Variants in UBR1 observed in about 807,000 individuals in gnomAD.
UBR1 encodes E3 ubiquitin-protein ligase UBR1.
A neutral mutation model predicts 242.1 loss-of-function variants in UBR1; 102 were observed. That is an observed-to-expected ratio of 0.42 (90% confidence interval 0.36 to 0.50). The LOEUF is 0.50. Ranked by LOEUF, UBR1 falls within the 20% of genes least tolerant of loss-of-function variation. The pLI is 0.01. For missense variants in UBR1, 1,772 were observed against 2,101.8 expected (o/e 0.84, Z 3.07); for synonymous variants, 675 against 684.8 (o/e 0.99, Z 0.22).
chr15:43,090,196 C>G (rs2034090830), intron 1 of UBR1, among the ~76,000 whole-genome samples: 1 of 152,068 alleles, frequency 6.6e-6, no homozygotes, highest in Non-Finnish European at 1.5e-5. Flanking sequence ...GCATTAATAA[C>G]AAACAGTTCA....
At chr15:42,991,963 G>A (rs541425242) in intron 33 of UBR1, among the ~76,000 whole-genome samples, 135 of 152,130 alleles carry the variant, frequency 8.9e-4, no homozygotes, top group African/African-American at 3.2e-3. Flanking sequence ...TATTGCCCAG[G>A]CTGGTCTTGA....
chr15:43,012,968 C>T (rs1415105590), intron 29 of UBR1, among the ~76,000 whole-genome samples: 1 of 152,156 alleles, frequency 6.6e-6, no homozygotes, highest in Admixed American at 6.5e-5. Context: ...TGCAGTGGCA[C>T]AATCTCTGCT....
chr15:43,015,125 A>G (rs907105345), intron 29 of UBR1, among the ~76,000 whole-genome samples: 2 of 151,902 alleles, frequency 1.3e-5, no homozygotes, highest in African/African-American at 4.8e-5. Flanking sequence ...CCCGGCCACC[A>G]CCCCGTCTGG....
chr15:42,957,783 G>C (rs1376626741), intron 44 of UBR1, among the ~76,000 whole-genome samples: 1 of 151,878 alleles, frequency 6.6e-6, no homozygotes, highest in African/African-American at 2.4e-5. Flanking sequence ...ATTGAGATGG[G>C]AAGAGCCCAG....
chr15:43,056,265 G>T, intron 11 of UBR1, 79 bp downstream of exon 11: 1 of 1,092,420 alleles, frequency 9.2e-7, no homozygotes, highest in Non-Finnish European at 1.4e-6. Context: ...GTTCTAATTT[G>T]ATTCAACATT....
At chr15:42,993,365 CTTT>C (rs779584895) in intron 33 of UBR1, among the ~76,000 whole-genome samples, 1 of 140,748 alleles carries the variant, frequency 7.1e-6, no homozygotes, top group African/African-American at 2.6e-5. Flanking sequence ...TATGAAATGT[CTTT>C]TTTTTTTTTT....
chr15:42,962,120 G>A (rs1238166814), intron 42 of UBR1, among the ~76,000 whole-genome samples: 1 of 43,068 alleles, frequency 2.3e-5, no homozygotes, highest in Non-Finnish European at 6.0e-5. Flanking sequence ...TCTTTGTTGT[G>A]TCTAATTATT....
At chr15:43,026,808 T>G in intron 22 of UBR1, 145 bp from the exon 23 acceptor site, 1 of 664,500 alleles carries the variant, frequency 1.5e-6, no homozygotes, top group Non-Finnish European at 2.6e-6. Context: ...TCCATTGCAA[T>G]AATAAAACTA....
At chr15:43,068,350 C>G (rs1481414762) in intron 5 of UBR1, among the ~76,000 whole-genome samples, 1 of 151,668 alleles carries the variant, frequency 6.6e-6, no homozygotes, top group Non-Finnish European at 1.5e-5. Context: ...CACCACACCC[C>G]AGCTAATTTT....
intron 3 of UBR1, among the ~76,000 whole-genome samples, chr15:43,079,908 G>C (rs907195996): frequency 2.6e-5 from 4 of 152,188 alleles, no homozygotes; most frequent in Admixed American, 2.6e-4. Context: ...AACAATAGCA[G>C]AGTAGTATTT....
At chr15:42,981,328 A>G (rs2032374993) in intron 37 of UBR1, among the ~76,000 whole-genome samples, 1 of 151,760 alleles carries the variant, frequency 6.6e-6, no homozygotes, top group Non-Finnish European at 1.5e-5. Context: ...GCACTTTCCT[A>G]CCTCCTCAAT....
chr15:42,966,632 T>C (rs2032110487), intron 40 of UBR1, among the ~76,000 whole-genome samples: 1 of 150,518 alleles, frequency 6.6e-6, no homozygotes, highest in South Asian at 2.1e-4. Flanking sequence ...GAGCTGAAAC[T>C]GTGCCACTGT....
intron 29 of UBR1, among the ~76,000 whole-genome samples, chr15:43,014,637 G>A (rs1344044467): frequency 2.6e-5 from 4 of 151,226 alleles, no homozygotes; most frequent in Non-Finnish European, 5.9e-5. Context: ...GAGACCCTCC[G>A]CCTGGCAGCC....
intron 37 of UBR1, among the ~76,000 whole-genome samples, chr15:42,983,137 T>G (rs1228168855): frequency 6.6e-6 from 1 of 152,188 alleles, no homozygotes; most frequent in Non-Finnish European, 1.5e-5. Flanking sequence ...GAAATGGGCA[T>G]GGAACTGAGT....
chr15:43,101,475 A>G (rs748296677), intron 1 of UBR1, among the ~76,000 whole-genome samples: 1 of 152,176 alleles, frequency 6.6e-6, no homozygotes, highest in Non-Finnish European at 1.5e-5. Flanking sequence ...CAGGGACAAC[A>G]AAACTCTTGA....
At chr15:43,047,963 C>A (rs959307993) in intron 13 of UBR1, among the ~76,000 whole-genome samples, 5 of 152,104 alleles carry the variant, frequency 3.3e-5, no homozygotes, top group Admixed American at 6.6e-5. Context: ...GTAATCCCAG[C>A]ACCTTGGGAG....
At chr15:43,001,840 A>AT (rs2032729951) in intron 32 of UBR1, among the ~76,000 whole-genome samples, 1 of 152,220 alleles carries the variant, frequency 6.6e-6, no homozygotes, top group Non-Finnish European at 1.5e-5. Context: ...CTCTAGAGCT[A>AT]TAGCATTTGG....
At chr15:43,029,439 C>A (rs2033224880) in intron 21 of UBR1, among the ~76,000 whole-genome samples, 3 of 152,200 alleles carry the variant, frequency 2.0e-5, no homozygotes, top group African/African-American at 7.2e-5. Context: ...ATGAGCAAGG[C>A]AGAGATACTA....
In UBR1 at chr15:43,026,544, A is replaced by C. The variant is rs2033180271; in HGVS notation, c.2535+17T>G. On this transcript the variant is annotated intron_variant, in intron 23 of 46. Coordinates refer to ENST00000290650, the MANE Select transcript of UBR1 (RefSeq NM_174916.3). ...AAGCATTTAGGTTTATTTACTGAAA[A>C]GGATACTTTTTTCTACCTTGCTATG... 1 of 1,604,908 alleles carries C rather than the reference A, an allele frequency of 6.2e-7. No individual in the cohort carries two copies. The highest frequency in any genetic ancestry group is 8.5e-7 in the Non-Finnish European group (1 of 1,172,546).
Sources: allele counts gnomAD v4.1 joint callset (sites outside exome capture counted in the v4.1 genomes callset), GRCh38; gene constraint gnomAD v4.1.1; transcripts MANE v1.5; gene names NCBI Gene and HGNC (gene_info 2026-07-23, HGNC 2026-07-21).